SRGAP3: variants seen among roughly 807,000 people sequenced by gnomAD.
SRGAP3 encodes the protein SLIT-ROBO Rho GTPase-activating protein 3.
In SRGAP3, 39 loss-of-function variants were observed where a neutral mutation model predicts 121.1. The ratio of observed to expected loss-of-function variants is 0.32; its 90% CI spans 0.25 to 0.42. The LOEUF (loss-of-function observed/expected upper bound fraction) is 0.42, where lower values mean the gene tolerates loss of function less well. Ranked by LOEUF, SRGAP3 falls within the 10% of genes least tolerant of loss-of-function variation. The pLI is 1.00. For missense variants in SRGAP3, 1,213 were observed against 1,470.6 expected (o/e 0.82, Z 2.86); for synonymous variants, 601 against 570.0 (o/e 1.05, Z -0.77).
intron 3 of SRGAP3, among the ~76,000 whole-genome samples, chr3:9,279,764 C>T (rs531864673): frequency 7.9e-5 from 12 of 152,178 alleles, no homozygotes; most frequent in African/African-American, 2.6e-4. Flanking sequence ...CCACCCGCCT[C>T]GGCCTCCCAA....
At chr3:9,043,626 G>A (rs1945122042) in intron 10 of SRGAP3, among the ~76,000 whole-genome samples, 1 of 152,092 alleles carries the variant, frequency 6.6e-6, no homozygotes, top group Admixed American at 6.5e-5. Flanking sequence ...TAGAAACAGG[G>A]TGACTGTCTC....
rs369236710 is a variant in SRGAP3, at chr3:8,993,034, G to C, written c.2430C>G (p.Ser810Arg). 6.2e-7 allele frequency: 1 copy of C among 1,614,052 alleles called. No homozygotes were observed. Among genetic ancestry groups the C allele is most frequent in the Non-Finnish European group, 8.5e-7 (1 of 1,180,048 alleles). Residue 810 changes from serine to arginine, a missense_variant, in exon 20 of 22, where the codon AGC (serine) becomes AGG (arginine). Around this residue, in one of 2 missense-constraint regions of SRGAP3, gnomAD observed 420 missense variants for 437.7 expected, o/e 0.96. Transcript: ENST00000383836. Reference protein sequence around the residue: ...VQDMDDAFSDSLSQKADSEAS... With the variant: ...VQDMDDAFSDRLSQKADSEAS... ...CCTCGCTGTCAGCCTTCTGGCTCAG[G>C]CTGTCGGAGAAGGCATCATCCCTGG...
At chr3:9,312,102 C>T (rs1955258343) in intron 3 of SRGAP3, among the ~76,000 whole-genome samples, 1 of 152,178 alleles carries the variant, frequency 6.6e-6, no homozygotes, top group Admixed American at 6.5e-5. Context: ...CTCTGAAAAA[C>T]TGACAATTAG....
chr3:9,172,082 C>T (rs1458665631), intron 1 of SRGAP3, among the ~76,000 whole-genome samples: 1 of 144,686 alleles, frequency 6.9e-6, no homozygotes, highest in Non-Finnish European at 1.5e-5. Context: ...TTCCAAATGA[C>T]TTTTTCTTTT....
intron 1 of SRGAP3, among the ~76,000 whole-genome samples, chr3:9,178,260 C>A (rs1435478434): frequency 1.3e-5 from 2 of 151,782 alleles, no homozygotes; most frequent in Non-Finnish European, 2.9e-5. Context: ...GAGCCAGACC[C>A]TGTCTCAAAA....
chr3:9,134,227 C>CCCCA (rs1399500646), intron 1 of SRGAP3, among the ~76,000 whole-genome samples: 2 of 152,094 alleles, frequency 1.3e-5, no homozygotes, highest in African/African-American at 4.8e-5. Flanking sequence ...GCTTCCCAGA[C>CCCCA]CCCACCCAAT....
upstream of SRGAP3, among the ~76,000 whole-genome samples, chr3:9,251,934 A>AG (rs1318851883): frequency 6.6e-6 from 1 of 152,224 alleles, no homozygotes; most frequent in Non-Finnish European, 1.5e-5. Context: ...CCCATGGCAC[A>AG]GGATCCAACA....
At chr3:9,079,775 C>T (rs1328692684) in intron 4 of SRGAP3, among the ~76,000 whole-genome samples, 5 of 152,194 alleles carry the variant, frequency 3.3e-5, no homozygotes, top group Non-Finnish European at 7.3e-5. Context: ...CGCCCCACAG[C>T]GGCAGGTCGT....
intron 1 of SRGAP3, among the ~76,000 whole-genome samples, chr3:9,150,654 G>T (rs1015215503): frequency 2.0e-5 from 3 of 152,082 alleles, no homozygotes; most frequent in Non-Finnish European, 4.4e-5. Flanking sequence ...CAGGGACTGA[G>T]ACAGGAATTG....
chr3:9,206,062 T>A (rs1952257293), intron 1 of SRGAP3, among the ~76,000 whole-genome samples: 2 of 152,292 alleles, frequency 1.3e-5, no homozygotes, highest in African/African-American at 4.8e-5. Flanking sequence ...GACGGTTGCA[T>A]GACAATGTGA....
chr3:9,029,989 A>T (rs1320579688), intron 12 of SRGAP3, among the ~76,000 whole-genome samples: 4 of 147,298 alleles, frequency 2.7e-5, no homozygotes, highest in East Asian at 2.1e-4. Flanking sequence ...AAAAAAAAAA[A>T]AATTATTTTT....
intron 1 of SRGAP3, among the ~76,000 whole-genome samples, chr3:9,231,612 T>C (rs1953214198): frequency 6.6e-6 from 1 of 152,206 alleles, no homozygotes. Context: ...TTGCTTTGAA[T>C]GCCTCCTGTG....
intron 1 of SRGAP3, among the ~76,000 whole-genome samples, chr3:9,335,317 T>C (rs1258580868): frequency 6.6e-6 from 1 of 152,206 alleles, no homozygotes; most frequent in East Asian, 1.9e-4. Context: ...TCAAAAGATT[T>C]GTACGTGTGA....
At chr3:9,163,592 G>A (rs1174285372) in intron 1 of SRGAP3, among the ~76,000 whole-genome samples, 2 of 152,224 alleles carry the variant, frequency 1.3e-5, no homozygotes, top group South Asian at 2.1e-4. Flanking sequence ...AGCAGAGGGG[G>A]CAGGGGAGGT....
At chr3:9,149,507 G>C (rs1325278664) in intron 1 of SRGAP3, among the ~76,000 whole-genome samples, 2 of 152,132 alleles carry the variant, frequency 1.3e-5, no homozygotes, top group Non-Finnish European at 2.9e-5. Context: ...CCTTGAAACA[G>C]AGCTGCCCTG....
At chr3:9,305,572 C>CG (rs1437329361) in intron 3 of SRGAP3, among the ~76,000 whole-genome samples, 1 of 151,808 alleles carries the variant, frequency 6.6e-6, no homozygotes, top group Non-Finnish European at 1.5e-5. Context: ...CTCCCACCCC[C>CG]CGACAGGCCC....
At chr3:9,016,408 C>G (rs1384832447) in intron 14 of SRGAP3, among the ~76,000 whole-genome samples, 4 of 152,174 alleles carry the variant, frequency 2.6e-5, no homozygotes, top group Admixed American at 2.6e-4. Flanking sequence ...GCCTCACACT[C>G]TGGATTTGTC....
At chr3:9,086,604 C>A (rs1450869932) in intron 3 of SRGAP3, among the ~76,000 whole-genome samples, 1 of 147,534 alleles carries the variant, frequency 6.8e-6, no homozygotes, top group Non-Finnish European at 1.5e-5. Flanking sequence ...TATAGGTACA[C>A]ACATATCTAC....
intron 1 of SRGAP3, among the ~76,000 whole-genome samples, chr3:9,211,972 G>A (rs1287332270): frequency 6.6e-6 from 1 of 152,000 alleles, no homozygotes; most frequent in Admixed American, 6.6e-5. Context: ...CACCACTCCC[G>A]GCCTCAGCTC....
Sources: allele counts gnomAD v4.1 joint callset (sites outside exome capture counted in the v4.1 genomes callset), GRCh38; gene constraint gnomAD v4.1.1; regional missense constraint gnomAD v4.1.1; transcripts MANE v1.5; gene names NCBI Gene and HGNC (gene_info 2026-07-23, HGNC 2026-07-21).